The following PROSER2 variants were observed in gnomAD, a reference collection of about 807,000 sequenced individuals.
PROSER2 encodes proline and serine rich 2.
PROSER2 carries 18 observed loss-of-function variants against 14.6 expected under a neutral mutation model. The observed-to-expected ratio is 1.23, with a 90% CI of 0.85 to 1.83. The LOEUF is 1.83. Ranked by LOEUF, PROSER2 falls within the 40% of genes most tolerant of loss-of-function variation. PROSER2 has a pLI of 0.00. For missense variants in PROSER2, 823 were observed against 629.8 expected, an observed-to-expected ratio of 1.31 and a Z score of -3.28; for synonymous variants, 367 against 286.4, an observed-to-expected ratio of 1.28 and a Z score of -2.84.
At position 11,837,452 on chromosome 10, in the gene PROSER2, T is replaced by G. The variant is rs537051132; in HGVS notation, c.-82+13982T>G. Among the ~76,000 whole-genome samples, 1 of 152,266 alleles carries G rather than the reference T, an allele frequency of 6.6e-6. No homozygotes were observed. Among genetic ancestry groups the G allele is most frequent in the Admixed American group, 6.5e-5 (1 of 15,300 alleles). ...TTGGTGCTGTCTGCAGATCCAAGCA[T>G]CCACTGAGGGTCTTGGAACATACCC... On this transcript the variant is annotated intron_variant, in intron 1 of 3. Coordinates refer to ENST00000277570, the MANE Select transcript of PROSER2 (RefSeq NM_153256.4). The surrounding 1 kb of genome is among the most constrained non-coding windows in gnomAD (Gnocchi z 4.6).
Position 11,869,967 on chromosome 10 carries a change from A to C in PROSER2, c.869A>C (p.His290Pro). ...AGGGCGCAGGTGTTGGCCACCATCCACGGCCACGCCGGCGCCTTCCCCGCC... is the reference window on the plus strand; with the variant it reads ...AGGGCGCAGGTGTTGGCCACCATCCCCGGCCACGCCGGCGCCTTCCCCGCC... ...ERRAQVLATI[H>P]GHAGAFPAAG... is the part of the protein sequence containing the mutation. The change falls in exon 4 of 4, where the codon CAC becomes CCC. Residue 290 changes from histidine (H) to proline (P), a missense_variant. His to Pro is a moderately conservative substitution (Grantham distance 77). Transcript: ENST00000277570. The surrounding 1 kb of genome is among the most constrained non-coding windows in gnomAD (Gnocchi z 4.4). 7.3e-7 allele frequency: 1 copy of C among 1,372,950 alleles called. No individual in the cohort carries two copies. Among genetic ancestry groups the C allele is most frequent in the Non-Finnish European group, 9.4e-7 (1 of 1,066,734 alleles). 85.0% of individuals were successfully genotyped at this position (1,372,950 alleles called of 1,614,324 possible). A position where few individuals can be genotyped will look rare whatever the true frequency, so the allele number is the denominator to read the frequency against.
In PROSER2 at chr10:11,869,530, T is replaced by A; in HGVS notation, c.432T>A (p.Ala144=). The change falls in exon 4 of 4, where the codon GCT becomes GCA. Residue 144 remains alanine (A), a synonymous_variant. Transcript: ENST00000277570. The surrounding 1 kb of genome is among the most constrained non-coding windows in gnomAD (Gnocchi z 4.4). The part of the protein sequence containing the change: ...PAGKEHRKQD[A]ETPPPPDPPA... ...GGAAGGAGCACAGGAAACAAGATGC[T>A]GAGACTCCTCCACCTCCAGACCCCC... 6.2e-7 allele frequency: 1 copy of A among 1,613,764 alleles called. No homozygotes were observed. The highest frequency in any genetic ancestry group is 8.5e-7 in the Non-Finnish European group (1 of 1,179,810).
chr10:11,835,519 G>C (rs1241100704), intron 1 of PROSER2, among the ~76,000 whole-genome samples: 1 of 152,120 alleles, frequency 6.6e-6, no homozygotes, highest in Non-Finnish European at 1.5e-5. Context: ...TCGAATAATA[G>C]AAAACAAAGA....
At chr10:11,851,238 G>C (rs897242881) in intron 1 of PROSER2, 1 of 152,348 alleles carries the variant, frequency 6.6e-6, no homozygotes, top group Non-Finnish European at 1.5e-5. Flanking sequence ...CCAGGGTTGG[G>C]GGGGCAGTCA....
intron 1 of PROSER2, among the ~76,000 whole-genome samples, chr10:11,832,892 G>T (rs984065992): frequency 6.6e-6 from 1 of 152,122 alleles, no homozygotes; most frequent in Non-Finnish European, 1.5e-5. Flanking sequence ...ACCCAGGCTA[G>T]AGTGCAGTGG....
intron 2 of PROSER2, among the ~76,000 whole-genome samples, chr10:11,853,924 C>T (rs1834075924): frequency 1.3e-5 from 2 of 152,166 alleles, no homozygotes; most frequent in South Asian, 4.1e-4. Context: ...CAGTAGCACT[C>T]CCGTGGTATA....
At chr10:11,860,392 G>A (rs1046571233) in intron 2 of PROSER2, among the ~76,000 whole-genome samples, 3 of 152,154 alleles carry the variant, frequency 2.0e-5, no homozygotes, top group African/African-American at 2.4e-5. Flanking sequence ...CAAGGTGGGT[G>A]GATCACGAGG....
chr10:11,829,357 G>A (rs986702572), intron 1 of PROSER2, among the ~76,000 whole-genome samples: 7 of 151,380 alleles, frequency 4.6e-5, no homozygotes, highest in African/African-American at 1.7e-4. Flanking sequence ...GGCCAAGGTG[G>A]GAGGATTGCT....
At chr10:11,832,707 A>G (rs1312219474) in intron 1 of PROSER2, among the ~76,000 whole-genome samples, 1 of 152,196 alleles carries the variant, frequency 6.6e-6, no homozygotes. Flanking sequence ...CTTGATCTAT[A>G]AATATGGTGG....
Position 11,871,190 on chromosome 10 carries a change from A to G in PROSER2, c.*784A>G, listed in dbSNP as rs1453819592. The stretch of plus-strand genomic sequence containing the variant: ...ACATGCATCATTATTATATAAATAG[A>G]AACTTCTGAACACCCTCCTAAGTCA... On this transcript the variant is annotated 3_prime_UTR_variant, in exon 4 of 4. Coordinates refer to ENST00000277570, the MANE Select transcript of PROSER2 (RefSeq NM_153256.4). 6.6e-6 allele frequency: 1 copy of G among 152,178 alleles called. No homozygotes were observed. Among genetic ancestry groups the G allele is most frequent in the Non-Finnish European group, 1.5e-5 (1 of 68,038 alleles). 9.4% of individuals were successfully genotyped at this position (152,178 alleles called of 1,614,324 possible).
chr10:11,855,141 T>G (rs1588493953), intron 2 of PROSER2, among the ~76,000 whole-genome samples: 6 of 105,792 alleles, frequency 5.7e-5, no homozygotes, highest in East Asian at 5.9e-4. Flanking sequence ...TTTATAGAGG[T>G]TTTTTGTTTT....
chr10:11,837,819 A>G lies in PROSER2; in HGVS notation c.-81-14178A>G, dbSNP rs1031438944. Among the ~76,000 whole-genome samples, 9 of 152,294 alleles carry G rather than the reference A, an allele frequency of 5.9e-5. No homozygotes were observed. The highest frequency in any genetic ancestry group is 1.2e-4 in the Non-Finnish European group (8 of 68,030). Reference sequence around the variant, plus strand: ...TGTTCCAGCTTAGATTCTTCAGTAAAGTGCGTTGGGTTAACCGTTCCCTGG... The same window carrying G: ...TGTTCCAGCTTAGATTCTTCAGTAAGGTGCGTTGGGTTAACCGTTCCCTGG... On this transcript the variant is annotated intron_variant, in intron 1 of 3. Coordinates refer to ENST00000277570, the MANE Select transcript of PROSER2 (RefSeq NM_153256.4). The surrounding 1 kb of genome is among the most constrained non-coding windows in gnomAD (Gnocchi z 4.6).
intron 2 of PROSER2, among the ~76,000 whole-genome samples, chr10:11,860,800 A>G (rs1834221485): frequency 6.6e-6 from 1 of 152,000 alleles, no homozygotes. Flanking sequence ...AACAAAACCA[A>G]AAGCAAGTAT....
rs568482250 is a variant in PROSER2 at position 11,828,510 on chromosome 10, T to G, written c.-82+5040T>G. Among the ~76,000 whole-genome samples, 421 of 152,164 alleles carry G rather than the reference T, an allele frequency of 2.8e-3. 3 individuals are homozygous for G. The highest frequency in any genetic ancestry group is 9.6e-3 in the African/African-American group (397 of 41,504). On this transcript the variant is annotated intron_variant, in intron 1 of 3. Coordinates refer to ENST00000277570, the MANE Select transcript of PROSER2 (RefSeq NM_153256.4). ...TGAGGTCAGGAGTTTGAGACCACCCTGGCCAACATGGTGAAACCCCATCTC... is the reference window on the plus strand; with the variant it reads ...TGAGGTCAGGAGTTTGAGACCACCCGGGCCAACATGGTGAAACCCCATCTC...
chr10:11,843,147 A>G lies in PROSER2; in HGVS notation c.-81-8850A>G, dbSNP rs572979270. ...AGTATAGACGGGGTTTCACCATGTT[A>G]GCCAGGATGGTCTTGATCTCCTGAC... On this transcript the variant is annotated intron_variant, in intron 1 of 3. Transcript: ENST00000277570. 2.3e-3 allele frequency among the ~76,000 whole-genome samples: 334 copies of G among 147,684 alleles called. 1 individual carries two copies. Among genetic ancestry groups the G allele is most frequent in the African/African-American group, 6.4e-3 (261 of 40,834 alleles).
chr10:11,869,347 G>T lies in PROSER2; in HGVS notation c.392-143G>T. On this transcript the variant is annotated intron_variant, in intron 3 of 3. Transcript: ENST00000277570. The surrounding 1 kb of genome is among the most constrained non-coding windows in gnomAD (Gnocchi z 4.4). Reference sequence around the variant, plus strand: ...CTCCTTCCCTAGTCCCAGGAACAGGGAGAGAGGAGTTGACTCACAGGCAGC... The same window carrying T: ...CTCCTTCCCTAGTCCCAGGAACAGGTAGAGAGGAGTTGACTCACAGGCAGC... 1.5e-6 allele frequency: 1 copy of T among 648,560 alleles called. No homozygotes were observed. 40.2% of individuals were successfully genotyped at this position (648,560 alleles called of 1,614,324 possible).
intron 2 of PROSER2, among the ~76,000 whole-genome samples, chr10:11,852,582 C>A (rs898354358): frequency 4.0e-5 from 6 of 151,838 alleles, no homozygotes; most frequent in African/African-American, 9.7e-5. Context: ...TCCAGTGGCG[C>A]GATCTTGGCT....
intron 3 of PROSER2, among the ~76,000 whole-genome samples, chr10:11,867,644 A>G (rs1205007489): frequency 1.3e-5 from 2 of 152,214 alleles, no homozygotes; most frequent in East Asian, 3.9e-4. Flanking sequence ...AGAGAATCTC[A>G]TACCACTGCT....
rs1272487978 is a variant in PROSER2 at position 11,838,113 on chromosome 10, T to C, written c.-81-13884T>C. 6.6e-6 allele frequency among the ~76,000 whole-genome samples: 1 copy of C among 152,084 alleles called. No individual in the cohort carries two copies. ...AGGAAACCTTTCCTTTCTGTGTTGG[T>C]AGCAGCCAGACTCAGGTGCCCTCCG... On this transcript the variant is annotated intron_variant, in intron 1 of 3. Coordinates refer to ENST00000277570, the MANE Select transcript of PROSER2 (RefSeq NM_153256.4). This position sits in a 1 kb window ranked among gnomAD's most constrained non-coding sequence, Gnocchi z 4.4.
Sources: allele counts gnomAD v4.1 joint callset (sites outside exome capture counted in the v4.1 genomes callset), GRCh38; gene constraint gnomAD v4.1.1; non-coding constraint Gnocchi (gnomAD v3.1); transcripts MANE v1.5; gene names NCBI Gene and HGNC (gene_info 2026-07-23, HGNC 2026-07-21).